MFGE8: variants seen among roughly 807,000 people sequenced by gnomAD.
The protein encoded by MFGE8 is lactadherin.
Under a neutral mutation model 42.6 loss-of-function variants are expected in MFGE8, and 34 were observed. The observed-to-expected ratio is 0.80, with a 90% CI of 0.61 to 1.06. MFGE8 has a LOEUF of 1.06. Among genes scored for constraint, MFGE8 ranks in the 50% least tolerant of loss-of-function variants. The pLI is 0.00. For synonymous variants in MFGE8, 230 were observed against 214.8 expected, an observed-to-expected ratio of 1.07 and a Z score of -0.62; for missense variants, 510 against 516.9, an observed-to-expected ratio of 0.99 and a Z score of 0.13.
chr15:88,907,282 A>G lies in MFGE8; in HGVS notation c.300T>C (p.His100=), dbSNP rs759057698. 24 of 1,614,076 alleles carry G rather than the reference A, an allele frequency of 1.5e-5. No homozygotes were observed. The Admixed American group carries it at 1.7e-4, about 11-fold the overall frequency. ...SVRVTFLGLQ[H]WVPELARLNR... ...TCAGGCGGGCCAGCTCCGGGACCCA[A>G]TGCTGCAAACCCAAGAAGGTCACAC... The change falls in exon 3 of 8, where the codon CAT becomes CAC. Residue 100 remains histidine, a synonymous_variant. Coordinates refer to ENST00000268150, the MANE Select transcript of MFGE8 (RefSeq NM_005928.4).
chr15:88,912,917 G>T, intron 1 of MFGE8: 3 of 985,060 alleles, frequency 3.0e-6, no homozygotes, highest in Non-Finnish European at 3.6e-6. Flanking sequence ...AAAGTCAAAC[G>T]CAGTTCCCTG....
chr15:88,899,097 AACCAC>A lies in MFGE8; in HGVS notation c.*293_*297del, dbSNP rs1898239431. 1 of 486,940 alleles carries A rather than the reference AACCAC, an allele frequency of 2.1e-6. No individual in the cohort carries two copies. Among genetic ancestry groups the A allele is most frequent in the African/African-American group, 1.9e-5 (1 of 51,398 alleles). The allele number at this position is 486,940 out of a possible 1,614,324, so 30.2% of individuals were successfully genotyped here. ...TCGGCGGTCCGGACAGGGGCAGGGA[AACCAC>A]ACGCCCTACTTTGCCCTTTCCTGTC... On this transcript the variant is annotated 3_prime_UTR_variant, in exon 8 of 8. Coordinates refer to ENST00000268150, the MANE Select transcript of MFGE8 (RefSeq NM_005928.4). This position sits in a 1 kb window ranked among gnomAD's most constrained non-coding sequence, Gnocchi z 6.8.
In MFGE8 at chr15:88,909,793, C is replaced by T. The variant is rs1411949400; in HGVS notation, c.204G>A (p.Thr68=). The change falls in exon 2 of 8, where the codon ACG becomes ACA. Residue 68 remains threonine (T), a splice_region_variant and synonymous_variant. Transcript: ENST00000268150. ...CAACAAGCACCCCCACATACTCACTCGTCTCACAGTGGTTGCCCGCGTAGC... is the reference window on the plus strand; with the variant it reads ...CAACAAGCACCCCCACATACTCACTTGTCTCACAGTGGTTGCCCGCGTAGC... ...LKGYAGNHCE[T]KCVEPLGLEN... 1.9e-6 allele frequency: 3 copies of T among 1,614,066 alleles called. No homozygotes were observed. The highest frequency in any genetic ancestry group is 1.7e-5 in the Admixed American group (1 of 60,028).
rs959245222 is a variant in MFGE8, at chr15:88,903,616, T to C, written c.686-1881A>G. 6.6e-6 allele frequency: 1 copy of C among 152,240 alleles called. No individual in the cohort carries two copies. The allele number at this position is 152,240 out of a possible 1,614,324, so 9.4% of individuals were successfully genotyped here. Reference sequence around the variant, plus strand: ...AATTATCCTGCCTCAGCCTCCCTAGTAGCTGGGATTACAGGCACCTGCCAC... The same window carrying C: ...AATTATCCTGCCTCAGCCTCCCTAGCAGCTGGGATTACAGGCACCTGCCAC... On this transcript the variant is annotated intron_variant, in intron 5 of 7. Transcript: ENST00000268150. The surrounding 1 kb of genome is among the most constrained non-coding windows in gnomAD (Gnocchi z 4.9).
At chr15:88,912,271 G>A (rs1170731760) in intron 1 of MFGE8, 1 of 1,289,356 alleles carries the variant, frequency 7.8e-7, no homozygotes, top group African/African-American at 1.5e-5. Flanking sequence ...GTACAGGGAA[G>A]AGTAGAAAGG....
chr15:88,900,755 T>C (rs1349921054), intron 6 of MFGE8: 1 of 985,286 alleles, frequency 1.0e-6, no homozygotes. Context: ...CTCTCTTTTG[T>C]TTCCTAGTTT....
chr15:88,911,451 G>A (rs1043460470), intron 1 of MFGE8, among the ~76,000 whole-genome samples: 8 of 152,214 alleles, frequency 5.3e-5, no homozygotes, highest in Admixed American at 5.2e-4. Flanking sequence ...GGCCGGGCAT[G>A]GTGGCTCACA....
chr15:88,905,649 T>A lies in MFGE8; in HGVS notation c.685+108A>T. ...CCGAGTGAAGCCTGGTCCCCGTGCCTTGTTGCTGCCCTACCTAGCTCAGTT... is the reference window on the plus strand; with the variant it reads ...CCGAGTGAAGCCTGGTCCCCGTGCCATGTTGCTGCCCTACCTAGCTCAGTT... On this transcript the variant is annotated intron_variant, in intron 5 of 7. Coordinates refer to ENST00000268150, the MANE Select transcript of MFGE8 (RefSeq NM_005928.4). This position sits in a 1 kb window ranked among gnomAD's most constrained non-coding sequence, Gnocchi z 6.6. The A allele has an allele frequency of 6.7e-7, 1 of 1,498,978 alleles. No individual in the cohort carries two copies. Among genetic ancestry groups the A allele is most frequent in the Non-Finnish European group, 9.2e-7 (1 of 1,085,948 alleles). The allele number at this position is 1,498,978 out of a possible 1,614,324, so 92.9% of individuals were successfully genotyped here.
chr15:88,908,496 A>G (rs1299926520), intron 2 of MFGE8, among the ~76,000 whole-genome samples: 1 of 152,136 alleles, frequency 6.6e-6, no homozygotes, highest in East Asian at 1.9e-4. Flanking sequence ...ATACCACGTA[A>G]AAGGCAAGGA....
chr15:88,910,271 G>A (rs575890290), intron 1 of MFGE8: 61 of 353,064 alleles, frequency 1.7e-4, no homozygotes, highest in Non-Finnish European at 3.0e-4. Flanking sequence ...TCCAGGGCAG[G>A]TCTCTTGGCA....
chr15:88,910,101 G>T, intron 1 of MFGE8, 178 bp from the exon 2 acceptor site: 1 of 768,490 alleles, frequency 1.3e-6, no homozygotes, highest in Non-Finnish European at 2.1e-6. Context: ...AGCCAAGGAA[G>T]TCCATGTGTA....
At chr15:88,901,829 C>T in intron 5 of MFGE8, 94 bp from the exon 6 acceptor site, 3 of 1,228,060 alleles carry the variant, frequency 2.4e-6, no homozygotes, top group Non-Finnish European at 3.5e-6. Context: ...TCTGTGGATC[C>T]TGACCAGCCC....
chr15:88,910,226 G>C (rs1234826679), intron 1 of MFGE8: 4 of 379,708 alleles, frequency 1.1e-5, no homozygotes, highest in Non-Finnish European at 2.0e-5. Flanking sequence ...ACTGGTGGAA[G>C]AGCTGGCAGC....
At chr15:88,912,830 A>C (rs1899030957) in intron 1 of MFGE8, 1 of 985,282 alleles carries the variant, frequency 1.0e-6, no homozygotes, top group African/African-American at 1.7e-5. Flanking sequence ...GTTGGCAGGG[A>C]GATGGCCAGG....
chr15:88,899,735 A>G lies in MFGE8; in HGVS notation c.947T>C (p.Val316Ala). 1 of 1,614,188 alleles carries G rather than the reference A, an allele frequency of 6.2e-7. No individual in the cohort carries two copies. The highest frequency in any genetic ancestry group is 8.5e-7 in the Non-Finnish European group (1 of 1,180,016). Reference sequence around the variant, plus strand: ...ACTGTAGGCAACCTTGTAGGATGCCACAAACTGGACAGAGCCAAAGTTACG... The same window carrying G: ...ACTGTAGGCAACCTTGTAGGATGCCGCAAACTGGACAGAGCCAAAGTTACG... ...GARNFGSVQF[V>A]ASYKVAYSND... is the part of the protein sequence containing the mutation. The change falls in exon 7 of 8, where the codon GTG becomes GCG. Residue 316 changes from valine to alanine, a missense_variant. By Grantham distance (64) the Val-to-Ala change is moderately conservative. Coordinates refer to ENST00000268150, the MANE Select transcript of MFGE8 (RefSeq NM_005928.4). The surrounding 1 kb of genome is among the most constrained non-coding windows in gnomAD (Gnocchi z 6.8).
chr15:88,901,523 G>A (rs758942864), intron 6 of MFGE8, 28 bp downstream of exon 6: 13 of 852,124 alleles, frequency 1.5e-5, no homozygotes, highest in African/African-American at 5.2e-5. Context: ...CCCAACCCCA[G>A]CCCCATATCC....
Position 88,906,043 on chromosome 15 carries a change from C to T in MFGE8, c.541-142G>A. The T allele has an allele frequency of 1.0e-6, 1 of 958,864 alleles. No individual in the cohort carries two copies. Among genetic ancestry groups the T allele is most frequent in the Non-Finnish European group, 1.6e-6 (1 of 616,326 alleles). 59.4% of individuals were successfully genotyped at this position (958,864 alleles called of 1,614,324 possible). ...GAGGACTTGGAAGAGCCAGCAGAGG[C>T]TCACACAGCAGCCTCTCCTTTGGCC... On this transcript the variant is annotated intron_variant, in intron 4 of 7. Transcript: ENST00000268150. The surrounding 1 kb of genome is among the most constrained non-coding windows in gnomAD (Gnocchi z 4.2).
rs1898527778 is a variant in MFGE8 at position 88,903,541 on chromosome 15, T to G, written c.686-1806A>C. Reference sequence around the variant, plus strand: ...CTCTGTCACCCAGGCTGGAGTGCAGTGGCATGATCTCGGCTCACTGCAACC... The same window carrying G: ...CTCTGTCACCCAGGCTGGAGTGCAGGGGCATGATCTCGGCTCACTGCAACC... On this transcript the variant is annotated intron_variant, in intron 5 of 7. Transcript: ENST00000268150. The surrounding 1 kb of genome is among the most constrained non-coding windows in gnomAD (Gnocchi z 4.9). 1 of 152,224 alleles carries G rather than the reference T, an allele frequency of 6.6e-6. No individual in the cohort carries two copies. Among genetic ancestry groups the G allele is most frequent in the Non-Finnish European group, 1.5e-5 (1 of 68,044 alleles). 9.4% of individuals were successfully genotyped at this position (152,224 alleles called of 1,614,324 possible). A position where few individuals can be genotyped will look rare whatever the true frequency, so the allele number is the denominator to read the frequency against.
intron 2 of MFGE8, 37 bp downstream of exon 2, chr15:88,909,755 T>A (rs377750590): frequency 2.5e-6 from 4 of 1,612,864 alleles, no homozygotes; most frequent in Non-Finnish European, 3.4e-6. Context: ...CAGGGTCTAC[T>A]GCTAGAAACA....
Sources: allele counts gnomAD v4.1 joint callset (sites outside exome capture counted in the v4.1 genomes callset), GRCh38; gene constraint gnomAD v4.1.1; non-coding constraint Gnocchi (gnomAD v3.1); transcripts MANE v1.5; gene names NCBI Gene and HGNC (gene_info 2026-07-23, HGNC 2026-07-21).